QTGAL: variants seen among roughly 807,000 people sequenced by gnomAD.
QTGAL encodes the protein queuosine-tRNA galactosyltransferase.
At chr17:83,024,703 G>T in the QTGAL span, among the ~76,000 whole-genome samples, 1 of 152,256 alleles carries the variant, frequency 6.6e-6, no homozygotes, top group African/African-American at 2.4e-5. Context: ...TCCTGGTGTG[G>T]GTCAGGCCTG....
chr17:82,993,715 G>A, the QTGAL span, among the ~76,000 whole-genome samples: 3 of 151,378 alleles, frequency 2.0e-5, no homozygotes, highest in Non-Finnish European at 2.9e-5. Context: ...TCATCCTCAA[G>A]GACAGATCAT....
the QTGAL span, among the ~76,000 whole-genome samples, chr17:83,044,759 C>T: frequency 3.3e-5 from 5 of 152,346 alleles, no homozygotes; most frequent in East Asian, 3.9e-4. Flanking sequence ...GCCTGGCCAA[C>T]ATGGCGAAAC....
At chr17:83,048,771 T>A in the QTGAL span, 1 of 1,613,682 alleles carries the variant, frequency 6.2e-7, no homozygotes, top group Admixed American at 1.7e-5. Context: ...CGTTGTGGAC[T>A]GGGAGGATAA....
chr17:83,029,859 G>A, the QTGAL span, among the ~76,000 whole-genome samples: 2 of 152,202 alleles, frequency 1.3e-5, no homozygotes, highest in Admixed American at 6.5e-5. Context: ...GCAAGGCTCT[G>A]TCTCCTGCCA....
chr17:82,946,795 A>G, the QTGAL span: 2 of 1,180,936 alleles, frequency 1.7e-6, no homozygotes, highest in Non-Finnish European at 2.4e-6. Flanking sequence ...AACTGTAAAG[A>G]AAATTAGAAT....
chr17:82,971,035 G>A, the QTGAL span, among the ~76,000 whole-genome samples: 2 of 152,132 alleles, frequency 1.3e-5, no homozygotes, highest in Non-Finnish European at 2.9e-5. Context: ...GTGCGTTCCT[G>A]CGAGGGCTCA....
the QTGAL span, among the ~76,000 whole-genome samples, chr17:82,950,790 C>T: frequency 2.6e-5 from 4 of 152,300 alleles, no homozygotes; most frequent in East Asian, 1.9e-4. Context: ...AATGAGCAGT[C>T]GTATTTTGAA....
At chr17:82,986,395 AC>A in the QTGAL span, among the ~76,000 whole-genome samples, 4 of 152,198 alleles carry the variant, frequency 2.6e-5, no homozygotes, top group Non-Finnish European at 4.4e-5. Context: ...GACAGGCTAT[AC>A]CCACAAGCTG....
chr17:82,972,972 G>C, the QTGAL span, among the ~76,000 whole-genome samples: 1 of 152,172 alleles, frequency 6.6e-6, no homozygotes, highest in Non-Finnish European at 1.5e-5. Context: ...AGCGGAAGGG[G>C]CTGGAGAGTT....
the QTGAL span, among the ~76,000 whole-genome samples, chr17:83,030,412 G>T: frequency 1.3e-5 from 2 of 152,210 alleles, no homozygotes; most frequent in South Asian, 4.1e-4. Flanking sequence ...GGAGGCAAAG[G>T]GCAGCTGTAG....
chr17:82,991,977 C>T, the QTGAL span, among the ~76,000 whole-genome samples: 1 of 151,808 alleles, frequency 6.6e-6, no homozygotes, highest in Non-Finnish European at 1.5e-5. Context: ...AATTAGTGAG[C>T]TTGAAGAAAG....
the QTGAL span, chr17:82,956,650 C>G: frequency 6.7e-7 from 1 of 1,500,002 alleles, no homozygotes; most frequent in Admixed American, 2.1e-5. The surrounding 1 kb of genome is among the most constrained non-coding windows in gnomAD (Gnocchi z 5.7). Context: ...GGTGGCAGAG[C>G]CCGGGATCCC....
At chr17:82,965,501 G>A in the QTGAL span, 3 of 749,440 alleles carry the variant, frequency 4.0e-6, no homozygotes, top group East Asian at 2.9e-5. Context: ...CCAGGAGGGG[G>A]CACCGGGAGG....
the QTGAL span, among the ~76,000 whole-genome samples, chr17:82,964,457 C>T: frequency 2.8e-4 from 43 of 152,186 alleles, no homozygotes; most frequent in African/African-American, 9.9e-4. Context: ...TTTTAAAACA[C>T]AAAAAACAAT....
the QTGAL span, among the ~76,000 whole-genome samples, chr17:83,013,955 C>T: frequency 9.7e-4 from 148 of 152,206 alleles, 2 homozygotes; most frequent in East Asian, 0.027. Context: ...CCACCATCTG[C>T]GGTGGGGGAT....
the QTGAL span, chr17:83,051,724 C>T: frequency 6.7e-7 from 1 of 1,488,114 alleles, no homozygotes. Flanking sequence ...GCACCCTCCC[C>T]GCTGGCACCT....
the QTGAL span, among the ~76,000 whole-genome samples, chr17:83,025,047 CACAG>C: frequency 6.6e-6 from 1 of 152,196 alleles, no homozygotes; most frequent in Non-Finnish European, 1.5e-5. Flanking sequence ...CTGGCCAAAT[CACAG>C]ACAGTGTGAA....
the QTGAL span, among the ~76,000 whole-genome samples, chr17:83,004,948 C>T: frequency 6.6e-6 from 1 of 152,242 alleles, no homozygotes; most frequent in Admixed American, 6.5e-5. Context: ...TCCGCTGGGG[C>T]CACTCTCATC....
chr17:82,961,069 T>C, the QTGAL span: 4 of 1,609,510 alleles, frequency 2.5e-6, no homozygotes, highest in Middle Eastern at 3.8e-4. Context: ...GAGGACGCAG[T>C]GCGTGGCCGC....
Sources: allele counts gnomAD v4.1 joint callset (sites outside exome capture counted in the v4.1 genomes callset), GRCh38; gene constraint gnomAD v4.1.1; non-coding constraint Gnocchi (gnomAD v3.1); transcripts MANE v1.5; gene names NCBI Gene and HGNC (gene_info 2026-07-23, HGNC 2026-07-21).